The following ARHGEF17 variants were observed in gnomAD, a reference collection of about 807,000 sequenced individuals.
ARHGEF17 encodes the protein Rho guanine nucleotide exchange factor 17.
A neutral mutation model predicts 174.0 loss-of-function variants in ARHGEF17; 80 were observed. The ratio of observed to expected loss-of-function variants is 0.46; its 90% CI spans 0.38 to 0.55. The LOEUF is 0.55. Among genes scored for constraint, ARHGEF17 ranks in the 20% least tolerant of loss-of-function variants. The probability of loss-of-function intolerance (pLI) is 0.00; values close to 1 mark genes in which losing one functional copy is unlikely to be tolerated. For missense variants in ARHGEF17, 2,886 were observed against 2,839.7 expected (o/e 1.02, Z -0.37); for synonymous variants, 1,311 against 1,189.1 (o/e 1.10, Z -2.11).
At chr11:73,363,891 T>A in intron 16 of ARHGEF17, 58 bp downstream of exon 16, 1 of 1,535,996 alleles carries the variant, frequency 6.5e-7, no homozygotes, top group South Asian at 1.1e-5. Context: ...CGTGCAGGCC[T>A]CCTTCTGTTC....
chr11:73,351,731 A>T (rs969016258), intron 2 of ARHGEF17, among the ~76,000 whole-genome samples: 2 of 151,978 alleles, frequency 1.3e-5, no homozygotes, highest in African/African-American at 4.8e-5. Context: ...ACAGGCGCAC[A>T]CCACTAGGCC....
At chr11:73,329,741 A>T (rs1865174200) in intron 1 of ARHGEF17, among the ~76,000 whole-genome samples, 1 of 152,188 alleles carries the variant, frequency 6.6e-6, no homozygotes, top group Non-Finnish European at 1.5e-5. Flanking sequence ...ATTTTGCAGA[A>T]TACCAAACTA....
Position 73,363,072 on chromosome 11 carries a change from G to A in ARHGEF17, c.4997-134G>A, listed in dbSNP as rs372030600. ...GAGCAGGGCAGCAGGGCAGCAGACC[G>A]GAGCAGGCCGGGGAAGAACAGCTTT... is the stretch of plus-strand genomic sequence containing the variant. On this transcript the variant is annotated intron_variant, in intron 14 of 20. Coordinates refer to ENST00000263674, the MANE Select transcript of ARHGEF17 (RefSeq NM_014786.4). 966 of 1,260,488 alleles carry A rather than the reference G, an allele frequency of 7.7e-4. 2 individuals carry two copies. The highest frequency in any genetic ancestry group is 1.8e-3 in the Admixed American group (61 of 34,714). 78.1% of individuals were successfully genotyped at this position (1,260,488 alleles called of 1,614,324 possible).
chr11:73,342,534 TTGA>T, intron 1 of ARHGEF17, among the ~76,000 whole-genome samples: 1 of 152,122 alleles, frequency 6.6e-6, no homozygotes, highest in Admixed American at 6.5e-5. Flanking sequence ...AGGGACTGTG[TTGA>T]TGTGGGTGCA....
chr11:73,317,810 A>G (rs1417432228), intron 1 of ARHGEF17, among the ~76,000 whole-genome samples: 3 of 152,082 alleles, frequency 2.0e-5, no homozygotes, highest in Non-Finnish European at 4.4e-5. Flanking sequence ...CTGTGCAGTG[A>G]GTGAACCTCA....
intron 1 of ARHGEF17, among the ~76,000 whole-genome samples, chr11:73,324,870 G>A (rs189620350): frequency 1.2e-3 from 176 of 152,342 alleles, no homozygotes; most frequent in African/African-American, 4.2e-3. Context: ...AGTTGCACTT[G>A]AGAGGCCCTT....
At position 73,311,577 on chromosome 11, in the gene ARHGEF17, C is replaced by T. The variant is rs774834980; in HGVS notation, c.2939C>T (p.Pro980Leu). ...CCTGAGCCACCAACTTCTGTTGGTCCCCCTGTGGCTGTGCCAGAACCCATA... is the reference window on the plus strand; with the variant it reads ...CCTGAGCCACCAACTTCTGTTGGTCTCCCTGTGGCTGTGCCAGAACCCATA... ...VVPEPPTSVG[P>L]PVAVPEPIGF... The change falls in exon 1 of 21, where the codon CCC becomes CTC. Residue 980 changes from proline to leucine, a missense_variant. Physicochemically the swap from Pro to Leu is moderately conservative, Grantham distance 98. Coordinates refer to ENST00000263674, the MANE Select transcript of ARHGEF17 (RefSeq NM_014786.4). 4 of 1,613,500 alleles carry T rather than the reference C, an allele frequency of 2.5e-6. No homozygotes were observed. Among genetic ancestry groups the T allele is most frequent in the East Asian group, 4.5e-5 (2 of 44,900 alleles).
chr11:73,316,439 G>C (rs1386450352), intron 1 of ARHGEF17, among the ~76,000 whole-genome samples: 2 of 152,104 alleles, frequency 1.3e-5, no homozygotes, highest in Middle Eastern at 3.2e-3. Context: ...GGTAGGGTCC[G>C]AGAAAAAAAT....
chr11:73,323,465 A>G (rs1471017536), intron 1 of ARHGEF17, among the ~76,000 whole-genome samples: 1 of 152,218 alleles, frequency 6.6e-6, no homozygotes, highest in Non-Finnish European at 1.5e-5. Flanking sequence ...TTTGTACCCT[A>G]GATCCTGAGA....
chr11:73,313,245 G>A (rs996224034), intron 1 of ARHGEF17, among the ~76,000 whole-genome samples: 1 of 152,076 alleles, frequency 6.6e-6, no homozygotes, highest in African/African-American at 2.4e-5. Flanking sequence ...TTTTGAACCT[G>A]TCCTTCCTTC....
rs1865871850 is a variant in ARHGEF17 at position 73,368,031 on chromosome 11, C to T, written c.*251C>T. The T allele has an allele frequency of 4.4e-6, 2 of 450,890 alleles. No homozygotes were observed. Among genetic ancestry groups the T allele is most frequent in the Non-Finnish European group, 4.0e-6 (1 of 249,298 alleles). The allele number at this position is 450,890 out of a possible 1,614,324, so 27.9% of individuals were successfully genotyped here. ...ATCGGGTGGGGGACATGTGGGCTGA[C>T]CAGGACCTCTGACCCTGGAGCTTCT... is the stretch of plus-strand genomic sequence containing the variant. On this transcript the variant is annotated 3_prime_UTR_variant, in exon 21 of 21. Transcript: ENST00000263674.
rs147168663 is a variant in ARHGEF17 at position 73,363,783 on chromosome 11, C to T, written c.5283C>T (p.Asp1761=). 2 of 1,613,982 alleles carry T rather than the reference C, an allele frequency of 1.2e-6. No homozygotes were observed. The highest frequency in any genetic ancestry group is 1.7e-6 in the Non-Finnish European group (2 of 1,180,026). The change falls in exon 16 of 21, where the codon GAC becomes GAT. Residue 1761 remains aspartate (D), a synonymous_variant. Transcript: ENST00000263674. The stretch of plus-strand genomic sequence containing the variant: ...ACCAGTCCTCCGACAGCATCCGTGA[C>T]CGCAGGAACAGCATGAAGCTCCAGC... ...HVYQSSDSIR[D]RRNSMKLQHA...
In ARHGEF17 at chr11:73,308,515, T is replaced by C; in HGVS notation, c.-124T>C. ...AGAAACCTCTGCTCCGGTCTCTGCG[T>C]CCTCTTCCCACACTCCCGTGCGCTG... On this transcript the variant is annotated 5_prime_UTR_variant, in exon 1 of 21. Transcript: ENST00000263674. 2.3e-6 allele frequency: 2 copies of C among 854,328 alleles called. No individual in the cohort carries two copies. The highest frequency in any genetic ancestry group is 1.6e-6 in the Non-Finnish European group (1 of 615,820). The allele number at this position is 854,328 out of a possible 1,614,324, so 52.9% of individuals were successfully genotyped here.
Position 73,362,691 on chromosome 11 carries a change from G to A in ARHGEF17, c.4953G>A (p.Leu1651=). The change falls in exon 14 of 21, where the codon CTG becomes CTA. Residue 1651 remains leucine, a synonymous_variant. Transcript: ENST00000263674. The part of the protein sequence containing the change: ...DESSPSPSGT[L]QSQASRSTIS... ...CTTCGCCCAGCCCCTCGGGGACGCTGCAGAGCCAGGCCAGCCGGTCCACCA... is the reference window on the plus strand; with the variant it reads ...CTTCGCCCAGCCCCTCGGGGACGCTACAGAGCCAGGCCAGCCGGTCCACCA... 1 of 1,608,068 alleles carries A rather than the reference G, an allele frequency of 6.2e-7. No individual in the cohort carries two copies.
At chr11:73,364,728 G>C in intron 18 of ARHGEF17, 128 bp downstream of exon 18, 1 of 1,254,036 alleles carries the variant, frequency 8.0e-7, no homozygotes, top group South Asian at 1.6e-5. Flanking sequence ...TCTGACCACA[G>C]AGTGACGCTG....
chr11:73,319,157 G>A (rs1339621914), intron 1 of ARHGEF17, among the ~76,000 whole-genome samples: 2 of 150,704 alleles, frequency 1.3e-5, no homozygotes, highest in Non-Finnish European at 2.9e-5. Context: ...TCCACTTCCC[G>A]GGTTCAAGCA....
chr11:73,312,881 C>G (rs540124519), intron 1 of ARHGEF17, among the ~76,000 whole-genome samples: 112 of 152,292 alleles, frequency 7.4e-4, no homozygotes, highest in Admixed American at 2.7e-3. Flanking sequence ...CTTCTGGCTT[C>G]AGCTATCCCT....
chr11:73,356,930 T>A, intron 7 of ARHGEF17, 95 bp from the exon 8 acceptor site: 1 of 1,492,132 alleles, frequency 6.7e-7, no homozygotes, highest in East Asian at 2.3e-5. Context: ...GCCCTCACTC[T>A]CCCTGGGTCT....
Position 73,310,218 on chromosome 11 carries a change from C to T in ARHGEF17, c.1580C>T (p.Ser527Leu). The change falls in exon 1 of 21, where the codon TCA (serine) becomes TTA (leucine). Residue 527 changes from serine (S) to leucine (L), a missense_variant. Transcript: ENST00000263674. Reference protein sequence around the residue: ...LEPIPIPAPASPGTRPTLKDL... With the variant: ...LEPIPIPAPALPGTRPTLKDL... ...CCCATACCCATCCCAGCCCCAGCAT[C>T]ACCTGGCACGCGCCCCACACTCAAG... 6.2e-7 allele frequency: 1 copy of T among 1,614,038 alleles called. No homozygotes were observed. The highest frequency in any genetic ancestry group is 8.5e-7 in the Non-Finnish European group (1 of 1,180,030).
Sources: allele counts gnomAD v4.1 joint callset (sites outside exome capture counted in the v4.1 genomes callset), GRCh38; gene constraint gnomAD v4.1.1; transcripts MANE v1.5; gene names NCBI Gene and HGNC (gene_info 2026-07-23, HGNC 2026-07-21).